Variants in MSH4 observed in about 807,000 individuals in gnomAD.
The protein encoded by MSH4 is mutS protein homolog 4.
MSH4 carries 106 observed loss-of-function variants against 113.7 expected under a neutral mutation model. That is an observed-to-expected ratio of 0.93 (90% CI 0.80 to 1.10). The LOEUF (loss-of-function observed/expected upper bound fraction) is 1.10, where lower values mean the gene tolerates loss of function less well. Ranked by LOEUF, MSH4 falls within the 50% of genes least tolerant of loss-of-function variation. The pLI is 0.00. For synonymous variants in MSH4, 368 were observed against 380.2 expected (o/e 0.97, Z 0.37); for missense variants, 1,061 against 1,093.7 (o/e 0.97, Z 0.42).
rs778770110 is a variant in MSH4, at chr1:75,803,731, G to C, written c.245G>C (p.Gly82Ala). Residue 82 changes from glycine to alanine, a missense_variant and splice_region_variant, in exon 2 of 20, where the codon GGT (glycine) becomes GCT (alanine). By Grantham distance (60) the Gly-to-Ala change is moderately conservative (BLOSUM62 0). Transcript: ENST00000263187. ...CPAPNSRPAQ[G>A]SYFGNKRAYA... ...TTGACTGTTAATTTTTCAAATTTAG[G>C]TTCATACTTTGGAAACAAAAGAGCT... is the stretch of plus-strand genomic sequence containing the variant. 10 of 1,551,502 alleles carry C rather than the reference G, an allele frequency of 6.4e-6. No homozygotes were observed. Among genetic ancestry groups the C allele is most frequent in the Non-Finnish European group, 8.7e-6 (10 of 1,153,084 alleles).
chr1:75,878,470 A>C (rs1651861917), intron 11 of MSH4, 152 bp downstream of exon 11: 1 of 633,402 alleles, frequency 1.6e-6, no homozygotes, highest in African/African-American at 1.9e-5. Flanking sequence ...CCATTTAAGG[A>C]AACAGCATAT....
At chr1:75,866,290 A>T (rs1200780490) in intron 8 of MSH4, among the ~76,000 whole-genome samples, 1 of 151,970 alleles carries the variant, frequency 6.6e-6, no homozygotes, top group Non-Finnish European at 1.5e-5. Context: ...GCCTCTATGT[A>T]GCTGGACCAC....
chr1:75,833,291 C>G (rs1388860147), intron 7 of MSH4, among the ~76,000 whole-genome samples: 2 of 152,112 alleles, frequency 1.3e-5, no homozygotes, highest in Non-Finnish European at 2.9e-5. Context: ...AAAGAGGACA[C>G]AAACAAATGG....
At chr1:75,814,014 T>G (rs1481724012) in intron 4 of MSH4, among the ~76,000 whole-genome samples, 1 of 152,158 alleles carries the variant, frequency 6.6e-6, no homozygotes, top group Non-Finnish European at 1.5e-5. Context: ...CCGGAGTTAA[T>G]AAGATATGTC....
rs766268926 is a variant in MSH4 at position 75,912,846 on chromosome 1, T to G, written c.2770T>G (p.Phe924Val). ...SNLKKKYKED[F>V]PRTEQVPEKT... ...CCTCAAGAAGAAGTACAAAGAAGAT[T>G]TTCCCAGGACTGAACAAGTTCCAGA... Residue 924 changes from phenylalanine (F) to valine (V), a missense_variant, in exon 20 of 20, where the codon TTT becomes GTT. Coordinates refer to ENST00000263187, the MANE Select transcript of MSH4 (RefSeq NM_002440.4). 2 of 1,577,492 alleles carry G rather than the reference T, an allele frequency of 1.3e-6. No individual in the cohort carries two copies. The highest frequency in any genetic ancestry group is 1.2e-5 in the South Asian group (1 of 85,116).
chr1:75,801,568 C>CAAA (rs35300428), intron 1 of MSH4, among the ~76,000 whole-genome samples: 2 of 112,776 alleles, frequency 1.8e-5, no homozygotes, highest in African/African-American at 3.4e-5. Context: ...AACTCCATCT[C>CAAA]AAAAAAAAAA....
At chr1:75,823,705 TTA>T (rs1650480847) in intron 7 of MSH4, among the ~76,000 whole-genome samples, 1 of 152,168 alleles carries the variant, frequency 6.6e-6, no homozygotes, top group Non-Finnish European at 1.5e-5. Flanking sequence ...CAACTCCCAC[TTA>T]TGAGTGAAAA....
chr1:75,885,442 T>C (rs1280005200), intron 15 of MSH4, among the ~76,000 whole-genome samples: 1 of 84,036 alleles, frequency 1.2e-5, no homozygotes, highest in African/African-American at 5.4e-5. Context: ...AGTGTGTATA[T>C]ACATATATAT....
intron 19 of MSH4, among the ~76,000 whole-genome samples, chr1:75,900,028 A>G (rs760034905): frequency 7.9e-5 from 12 of 151,840 alleles, no homozygotes; most frequent in Non-Finnish European, 1.6e-4. Context: ...AATGAAAATC[A>G]CTATGCACAA....
At chr1:75,816,324 A>AT (rs1176805966) in intron 5 of MSH4, 49 bp from the exon 6 acceptor site, 2 of 1,249,892 alleles carry the variant, frequency 1.6e-6, no homozygotes, top group East Asian at 2.7e-5. Flanking sequence ...GAAATAGATA[A>AT]TTTTTTATAT....
intron 4 of MSH4, among the ~76,000 whole-genome samples, chr1:75,812,669 G>T (rs1316002087): frequency 6.6e-6 from 1 of 152,112 alleles, no homozygotes; most frequent in Admixed American, 6.6e-5. Flanking sequence ...ACTGCAGCCT[G>T]GGCAACAGAG....
At position 75,885,459 on chromosome 1, in the gene MSH4, A is replaced by G. The variant is rs868303713; in HGVS notation, c.2107+1638A>G. ...TGTGTATATACATATATATATATAT[A>G]TGTATATATACACACACACACACAA... On this transcript the variant is annotated intron_variant, in intron 15 of 19. Coordinates refer to ENST00000263187, the MANE Select transcript of MSH4 (RefSeq NM_002440.4). Among the ~76,000 whole-genome samples, 2 of 41,626 alleles carry G rather than the reference A, an allele frequency of 4.8e-5. 1 individual carries two copies. Among genetic ancestry groups the G allele is most frequent in the Non-Finnish European group, 8.8e-5 (2 of 22,754 alleles). 27.3% of individuals were successfully genotyped at this position (41,626 alleles called of 152,430 possible).
At chr1:75,814,291 C>CAAAA (rs138983828) in intron 4 of MSH4, among the ~76,000 whole-genome samples, 3 of 101,310 alleles carry the variant, frequency 3.0e-5, no homozygotes, top group Non-Finnish European at 3.9e-5. Flanking sequence ...TATCTCTGCT[C>CAAAA]AAAAAAAAAA....
chr1:75,912,386 C>T (rs1012880545), intron 19 of MSH4, among the ~76,000 whole-genome samples: 4 of 151,928 alleles, frequency 2.6e-5, no homozygotes, highest in South Asian at 2.1e-4. Context: ...TATTACTTTT[C>T]GGTATTATGT....
intron 4 of MSH4, among the ~76,000 whole-genome samples, chr1:75,814,252 A>AT (rs1360094991): frequency 4.2e-5 from 6 of 143,424 alleles, no homozygotes; most frequent in Non-Finnish European, 7.5e-5. Context: ...CAGGAGTTTG[A>AT]CACCAGCCTG....
chr1:75,833,732 C>T (rs11927735), intron 7 of MSH4, among the ~76,000 whole-genome samples: 19 of 152,134 alleles, frequency 1.2e-4, no homozygotes, highest in Non-Finnish European at 1.8e-4. Flanking sequence ...GCTAGCCATA[C>T]GTAGAAACCT....
chr1:75,854,009 G>GTATATATA, intron 8 of MSH4, among the ~76,000 whole-genome samples: 1 of 50,718 alleles, frequency 2.0e-5, no homozygotes, highest in Non-Finnish European at 5.5e-5. Context: ...ATAAGTGTGT[G>GTATATATA]TGTGTATATA....
intron 19 of MSH4, among the ~76,000 whole-genome samples, chr1:75,905,825 T>C (rs1029621070): frequency 6.6e-6 from 1 of 152,046 alleles, no homozygotes; most frequent in Non-Finnish European, 1.5e-5. Context: ...CTTTTTACAG[T>C]CTTTGACTTG....
intron 2 of MSH4, 35 bp from the exon 3 acceptor site, chr1:75,806,946 A>T: frequency 6.7e-7 from 1 of 1,501,114 alleles, no homozygotes; most frequent in Non-Finnish European, 8.9e-7. Flanking sequence ...ATTATTATCA[A>T]TGTTTATATC....
Sources: gnomAD v4.1 joint callset for allele counts (sites outside exome capture counted in the v4.1 genomes callset) on GRCh38, gnomAD v4.1.1 for gene constraint, MANE v1.5 for transcripts, NCBI Gene and HGNC (gene_info 2026-07-23, HGNC 2026-07-21) for gene names.